Variants in MUC6 observed in about 807,000 individuals in gnomAD.
MUC6 encodes mucin-6.
In MUC6, 188 loss-of-function variants were observed where a neutral mutation model predicts 201.5. The ratio of observed to expected loss-of-function variants is 0.93; its 90% CI spans 0.83 to 1.05. The LOEUF is 1.05. MUC6 is among the 50% of genes least tolerant of loss of function. The probability of loss-of-function intolerance (pLI) is 0.00; values close to 1 mark genes in which losing one functional copy is unlikely to be tolerated. For missense variants in MUC6, 2,706 were observed against 3,256.9 expected (o/e 0.83, Z 4.12); for synonymous variants, 1,228 against 1,389.4 (o/e 0.88, Z 2.58).
chr11:1,031,593 C>A lies in MUC6; in HGVS notation c.483+14G>T. ...TGCGGGTCTCCAGGCCCACCCTGGC[C>A]CTTCTCTCCTCACCATGAGGTGGCT... On this transcript the variant is annotated intron_variant, in intron 4 of 32. Transcript: ENST00000421673. 2 of 1,546,278 alleles carry A rather than the reference C, an allele frequency of 1.3e-6. No individual in the cohort carries two copies. The highest frequency in any genetic ancestry group is 1.7e-6 in the Non-Finnish European group (2 of 1,146,898).
intron 29 of MUC6, 124 bp downstream of exon 29, chr11:1,019,966 G>A (rs370795855): frequency 5.5e-6 from 7 of 1,274,026 alleles, no homozygotes; most frequent in African/African-American, 3.0e-5. Flanking sequence ...GAAGTTCTAC[G>A]CTGGGAATCT....
Position 1,029,614 on chromosome 11 carries a change from A to T in MUC6, c.1017T>A (p.Gly339=). ...TATTGGAGAGGTCATTCAGGACCGT[A>T]CCTGCAGGAGAGGGTCTTCTTGGGG... The part of the protein sequence containing the change: ...SCTFGCFCPE[G]TVLNDLSNNH... The change falls in exon 9 of 33, where the codon GGT becomes GGA. Residue 339 remains glycine (G), a splice_region_variant and synonymous_variant. Coordinates refer to ENST00000421673, the MANE Select transcript of MUC6 (RefSeq NM_005961.3). 6.3e-7 allele frequency: 1 copy of T among 1,580,726 alleles called. No individual in the cohort carries two copies. Among genetic ancestry groups the T allele is most frequent in the South Asian group, 1.1e-5 (1 of 87,018 alleles).
In MUC6 at chr11:1,012,837, C is replaced by G. The variant is rs141051167; in HGVS notation, c.*619G>C. On this transcript the variant is annotated 3_prime_UTR_variant, in exon 33 of 33. Transcript: ENST00000421673. ...ACCAGCCTCTGTGCCTTGACAAGAACCGGTTTATTTGGAGTCTCTGACCGG... is the reference window on the plus strand; with the variant it reads ...ACCAGCCTCTGTGCCTTGACAAGAAGCGGTTTATTTGGAGTCTCTGACCGG... 1,352 of 153,270 alleles carry G rather than the reference C, an allele frequency of 8.8e-3. 25 individuals are homozygous for G. The highest frequency in any genetic ancestry group is 0.031 in the African/African-American group (1,296 of 41,582). The allele number at this position is 153,270 out of a possible 1,614,324, so 9.5% of individuals were successfully genotyped here.
rs1043127715 is a variant in MUC6, at chr11:1,016,344, G to A, written c.6457C>T (p.Gln2153Ter). 4 of 1,611,398 alleles carry A rather than the reference G, an allele frequency of 2.5e-6. No individual in the cohort carries two copies. Among genetic ancestry groups the A allele is most frequent in the Admixed American group, 1.7e-5 (1 of 59,492 alleles). Residue 2153 changes from glutamine to a stop codon, truncating the protein, a stop_gained, in exon 31 of 33, where the codon CAG (glutamine) becomes TAG (stop). Transcript: ENST00000421673. LOFTEE classifies it high-confidence loss of function. ...SYVPSSHSSPQTSSPSVGTSS... is the reference protein window; with the variant it reads ...SYVPSSHSSP ...GTGCCAACAGAAGGCGATGAAGTCT[G>A]GGGAGAGGAGTGGGAGGAGGGCACA...
In MUC6 at chr11:1,031,370, G is replaced by A. The variant is rs537180797; in HGVS notation, c.484-111C>T. ...CAGAGCCCCCACCATCCCCCCACCT[G>A]CTCATCTGCCTCTTCTTATGGGAGG... On this transcript the variant is annotated intron_variant, in intron 4 of 32. Transcript: ENST00000421673. The A allele has an allele frequency of 4.2e-6, 5 of 1,191,036 alleles. No homozygotes were observed. The East Asian group carries it at 1.0e-4, about 24-fold the overall frequency. The allele number at this position is 1,191,036 out of a possible 1,614,324, so 73.8% of individuals were successfully genotyped here.
At chr11:1,019,525 C>G in intron 29 of MUC6, 29 bp from the exon 30 acceptor site, 3 of 1,588,424 alleles carry the variant, frequency 1.9e-6, no homozygotes, top group South Asian at 1.1e-5. Flanking sequence ...CGGAACATCC[C>G]CTTGCTGTGG....
intron 7 of MUC6, 70 bp downstream of exon 7, chr11:1,030,503 C>T: frequency 6.9e-7 from 1 of 1,454,714 alleles, no homozygotes; most frequent in Middle Eastern, 2.5e-4. Flanking sequence ...TCAGGCAGTC[C>T]AGGGGCTGGG....
intron 1 of MUC6, among the ~76,000 whole-genome samples, 183 bp downstream of exon 1, chr11:1,036,421 C>T (rs7927243): frequency 0.012 from 1,764 of 152,304 alleles, 34 homozygotes; most frequent in African/African-American, 0.039. Flanking sequence ...AGCCCAGCAC[C>T]GCGGCTGCTG....
chr11:1,029,647 G>T (rs768970563), intron 8 of MUC6, 32 bp from the exon 9 acceptor site: 50 of 1,536,390 alleles, frequency 3.3e-5, no homozygotes, highest in Non-Finnish European at 4.2e-5. Context: ...GGGCTTGGGT[G>T]GGACTGACTG....
At chr11:1,032,331 T>C (rs1038365174) in intron 2 of MUC6, among the ~76,000 whole-genome samples, 13 of 152,188 alleles carry the variant, frequency 8.5e-5, no homozygotes, top group African/African-American at 2.9e-4. Context: ...CTCGGGTGTG[T>C]GCATACGTGT....
chr11:1,020,029 G>A (rs755048023), intron 29 of MUC6, 61 bp downstream of exon 29: 22 of 1,569,946 alleles, frequency 1.4e-5, no homozygotes, highest in African/African-American at 2.7e-5. Context: ...GCCCACCCCA[G>A]AGGTGTACCT....
At position 1,027,947 on chromosome 11, in the gene MUC6, A is replaced by G. The variant is rs1258341302; in HGVS notation, c.1848+18T>C. 6.4e-7 allele frequency: 1 copy of G among 1,564,372 alleles called. No individual in the cohort carries two copies. Among genetic ancestry groups the G allele is most frequent in the South Asian group, 1.2e-5 (1 of 85,298 alleles). On this transcript the variant is annotated intron_variant, in intron 15 of 32. Transcript: ENST00000421673. ...CAGCCTCCCCTGCAGCCCTCCCAAG[A>G]CGCCCTCGGGCCCTCACCTTGTAGA...
At chr11:1,029,998 C>T (rs1203598044) in intron 8 of MUC6, among the ~76,000 whole-genome samples, 2 of 152,188 alleles carry the variant, frequency 1.3e-5, no homozygotes, top group East Asian at 1.9e-4. Context: ...CCTCACCGCC[C>T]GTGGGTTTGC....
In MUC6 at chr11:1,031,151, A is replaced by G; in HGVS notation, c.574+18T>C. 2.7e-6 allele frequency: 1 copy of G among 375,446 alleles called. No homozygotes were observed. The highest frequency in any genetic ancestry group is 2.7e-5 in the South Asian group (1 of 37,728). 23.3% of individuals were successfully genotyped at this position (375,446 alleles called of 1,614,324 possible). ...CTAGAGGCCCCCCCAGAGGCCCCCC[A>G]GCCCTGCCCCCACCTACCCTCCTCA... On this transcript the variant is annotated intron_variant, in intron 5 of 32. Coordinates refer to ENST00000421673, the MANE Select transcript of MUC6 (RefSeq NM_005961.3).
At position 1,012,996 on chromosome 11, in the gene MUC6, C is replaced by T. The variant is rs187110573; in HGVS notation, c.*460G>A. ...TGCCCTCCCTGACTCTGGGGATCTC[C>T]TCTTCTCTGTGCTGGTGGCTGCCTG... On this transcript the variant is annotated 3_prime_UTR_variant, in exon 33 of 33. Transcript: ENST00000421673. 21 of 157,738 alleles carry T rather than the reference C, an allele frequency of 1.3e-4. No individual in the cohort carries two copies. The highest frequency in any genetic ancestry group is 5.5e-4 in the African/African-American group (20 of 36,438). 9.8% of individuals were successfully genotyped at this position (157,738 alleles called of 1,614,324 possible).
At chr11:1,020,024 C>A (rs754400640) in intron 29 of MUC6, 66 bp downstream of exon 29, 2 of 1,559,208 alleles carry the variant, frequency 1.3e-6, no homozygotes, top group Non-Finnish European at 1.7e-6. Context: ...CCTAAGCCCA[C>A]CCCAGAGGTG....
In MUC6 at chr11:1,024,034, C is replaced by T. The variant is rs769403032; in HGVS notation, c.3295G>A (p.Glu1099Lys). 7 of 1,611,220 alleles carry T rather than the reference C, an allele frequency of 4.3e-6. No individual in the cohort carries two copies. The Admixed American group carries it at 1.2e-4, about 27-fold the overall frequency. ...GCAGCCACGGCATCGCACAGACACT[C>T]ACAGTCCCCGCCACTGTCACACCCA... ...ACGCDSGGDC[E>K]CLCDAVAAYA... The change falls in exon 25 of 33, where the codon GAG becomes AAG. Residue 1099 changes from glutamate to lysine, a missense_variant. Transcript: ENST00000421673.
At chr11:1,029,937 C>T (rs558997654) in intron 8 of MUC6, among the ~76,000 whole-genome samples, 3 of 152,342 alleles carry the variant, frequency 2.0e-5, no homozygotes, top group Non-Finnish European at 2.9e-5. Flanking sequence ...TCCCTTGGGC[C>T]CGGCTCAAAC....
rs767466952 is a variant in MUC6, at chr11:1,015,879, G to C, written c.6922C>G (p.Pro2308Ala). 6.2e-7 allele frequency: 1 copy of C among 1,608,664 alleles called. No homozygotes were observed. The highest frequency in any genetic ancestry group is 2.2e-5 in the East Asian group (1 of 44,792). ...SPVTNLTTRH[P>A]GPTLSPTTRF... ...GTGGTAGGCGACAAGGTGGGACCAG[G>C]GTGCCTGGTGGTAAGGTTGGTGACT... is the stretch of plus-strand genomic sequence containing the variant. The change falls in exon 31 of 33, where the codon CCT (proline) becomes GCT (alanine). Residue 2308 changes from proline (P) to alanine (A), a missense_variant. By Grantham distance (27) the Pro-to-Ala change is conservative. Around this residue, in one of 10 missense-constraint regions of MUC6, gnomAD observed 586 missense variants for 488.0 expected, o/e 1.20. Coordinates refer to ENST00000421673, the MANE Select transcript of MUC6 (RefSeq NM_005961.3).
Sources: allele counts gnomAD v4.1 joint callset (sites outside exome capture counted in the v4.1 genomes callset), GRCh38; gene constraint gnomAD v4.1.1; regional missense constraint gnomAD v4.1.1; transcripts MANE v1.5; gene names NCBI Gene and HGNC (gene_info 2026-07-23, HGNC 2026-07-21).